Variants in DACH1 observed in about 807,000 individuals in gnomAD.
DACH1 encodes dachshund homolog 1.
Under a neutral mutation model 54.2 loss-of-function variants are expected in DACH1, and 12 were observed. That is an observed-to-expected ratio of 0.22 (90% confidence interval 0.14 to 0.36). The LOEUF is 0.36. Ranked by LOEUF, DACH1 falls within the 10% of genes least tolerant of loss-of-function variation. The probability of loss-of-function intolerance (pLI) is 1.00; values close to 1 mark genes in which losing one functional copy is unlikely to be tolerated. For synonymous variants in DACH1, 386 were observed against 366.2 expected, an observed-to-expected ratio of 1.05 and a Z score of -0.62; for missense variants, 805 against 929.8, an observed-to-expected ratio of 0.87 and a Z score of 1.75.
chr13:71,486,841 T>TGAG (rs1878568618), intron 7 of DACH1, among the ~76,000 whole-genome samples: 1 of 151,282 alleles, frequency 6.6e-6, no homozygotes, highest in African/African-American at 2.4e-5. Flanking sequence ...TCTATCTATC[T>TGAG]ATCTATCTAT....
chr13:71,473,968 A>ATTGTTGTGGT (rs1877302812), intron 10 of DACH1, among the ~76,000 whole-genome samples: 2 of 152,188 alleles, frequency 1.3e-5, no homozygotes, highest in Non-Finnish European at 2.9e-5. Flanking sequence ...TGTCATAACC[A>ATTGTTGTGGT]TATACATACA....
chr13:71,822,517 CA>C (rs754204364), intron 1 of DACH1, among the ~76,000 whole-genome samples: 1 of 152,024 alleles, frequency 6.6e-6, no homozygotes, highest in Non-Finnish European at 1.5e-5. Context: ...GCATGTTTCC[CA>C]AAAGTTGCAA....
At chr13:71,798,362 A>G (rs1462211561) in intron 1 of DACH1, among the ~76,000 whole-genome samples, 2 of 116,716 alleles carry the variant, frequency 1.7e-5, no homozygotes, top group African/African-American at 6.3e-5. Flanking sequence ...ATATATATAT[A>G]TCCATTACCT....
At chr13:71,748,812 C>T (rs1268308792) in intron 1 of DACH1, among the ~76,000 whole-genome samples, 2 of 151,984 alleles carry the variant, frequency 1.3e-5, no homozygotes, top group Non-Finnish European at 2.9e-5. Context: ...TAATTTTTCT[C>T]TATGTTACCT....
At chr13:71,845,396 T>A (rs973386818) in intron 1 of DACH1, among the ~76,000 whole-genome samples, 1 of 152,100 alleles carries the variant, frequency 6.6e-6, no homozygotes, top group Non-Finnish European at 1.5e-5. Flanking sequence ...ACTATAATAC[T>A]TTTTTGCTGT....
intron 1 of DACH1, among the ~76,000 whole-genome samples, chr13:71,793,909 G>A (rs1886933391): frequency 6.6e-6 from 1 of 152,202 alleles, no homozygotes; most frequent in Non-Finnish European, 1.5e-5. Context: ...ATGAGTAGGA[G>A]GGCGAGCTGG....
intron 6 of DACH1, among the ~76,000 whole-genome samples, chr13:71,522,504 C>T (rs757961835): frequency 5.9e-5 from 9 of 151,958 alleles, no homozygotes; most frequent in Non-Finnish European, 8.8e-5. Flanking sequence ...CCAAACCAAG[C>T]GCAGTGGTGA....
At chr13:71,653,735 G>T (rs2138629803) in intron 2 of DACH1, among the ~76,000 whole-genome samples, 1 of 152,236 alleles carries the variant, frequency 6.6e-6, no homozygotes, top group Admixed American at 6.5e-5. Flanking sequence ...TGAAAAGTAA[G>T]CATATTTCTG....
chr13:71,697,911 A>C (rs2138741547), intron 1 of DACH1, among the ~76,000 whole-genome samples: 1 of 152,342 alleles, frequency 6.6e-6, no homozygotes. Flanking sequence ...GAGATTACAG[A>C]TTACAAATGA....
At chr13:71,628,464 T>C (rs1440201465) in intron 3 of DACH1, among the ~76,000 whole-genome samples, 1 of 152,046 alleles carries the variant, frequency 6.6e-6, no homozygotes, top group East Asian at 1.9e-4. Flanking sequence ...CTGAATGCCT[T>C]AGGGACTAGC....
intron 4 of DACH1, among the ~76,000 whole-genome samples, chr13:71,571,296 G>T (rs1566349612): frequency 6.6e-6 from 1 of 152,096 alleles, no homozygotes; most frequent in Admixed American, 6.5e-5. Flanking sequence ...TGACTACAAT[G>T]ATGGGAAGAC....
At chr13:71,807,352 CCAGTT>C (rs1367529408) in intron 1 of DACH1, among the ~76,000 whole-genome samples, 1 of 148,046 alleles carries the variant, frequency 6.8e-6, no homozygotes, top group African/African-American at 2.5e-5. Context: ...CTTGTGTTTG[CCAGTT>C]CATTCGCACT....
chr13:71,775,139 T>TTTTTTTC (rs1886013179), intron 1 of DACH1, among the ~76,000 whole-genome samples: 3 of 134,134 alleles, frequency 2.2e-5, no homozygotes, highest in Non-Finnish European at 3.2e-5. Context: ...TTTTTTTTTT[T>TTTTTTTC]TTTTTTTTTT....
chr13:71,682,688 A>T (rs1880974307), intron 1 of DACH1, among the ~76,000 whole-genome samples: 1 of 152,186 alleles, frequency 6.6e-6, no homozygotes, highest in Non-Finnish European at 1.5e-5. Flanking sequence ...ATCATTAAGG[A>T]ACTGCCAGTG....
chr13:71,673,055 T>C (rs1880298335), intron 2 of DACH1, among the ~76,000 whole-genome samples: 1 of 152,140 alleles, frequency 6.6e-6, no homozygotes, highest in Admixed American at 6.5e-5. Flanking sequence ...TATAAGCAGA[T>C]TGTAATTCTT....
intron 2 of DACH1, among the ~76,000 whole-genome samples, chr13:71,673,958 T>A (rs1041115333): frequency 6.6e-6 from 1 of 152,194 alleles, no homozygotes; most frequent in African/African-American, 2.4e-5. Flanking sequence ...GCATCTTTAA[T>A]CTGGAGCCTA....
In DACH1 at chr13:71,829,476, A is replaced by G. The variant is rs1325353; in HGVS notation, c.848+36446T>C. On this transcript the variant is annotated intron_variant, in intron 1 of 10. Transcript: ENST00000613252. ...AGTACGTACTGGGAATAAAAATTCA[A>G]CTGTATAAATTTATACAAAATTAAA... Among the ~76,000 whole-genome samples the G allele has an allele frequency of 1.5e-3, 225 of 152,122 alleles. 1 individual carries two copies. The highest frequency in any genetic ancestry group is 4.9e-3 in the African/African-American group (204 of 41,544).
intron 1 of DACH1, among the ~76,000 whole-genome samples, chr13:71,766,133 G>A (rs1487879498): frequency 3.9e-5 from 6 of 152,002 alleles, no homozygotes; most frequent in Non-Finnish European, 5.9e-5. Flanking sequence ...TGATCCGTCC[G>A]CCTCGGCCTC....
chr13:71,665,895 T>C (rs535876730), intron 2 of DACH1, among the ~76,000 whole-genome samples: 3 of 152,242 alleles, frequency 2.0e-5, no homozygotes, highest in African/African-American at 7.2e-5. Flanking sequence ...ATTTAAATTT[T>C]GTGTACCTTA....
Sources: gnomAD v4.1 joint callset for allele counts (sites outside exome capture counted in the v4.1 genomes callset) on GRCh38, gnomAD v4.1.1 for gene constraint, MANE v1.5 for transcripts, NCBI Gene and HGNC (gene_info 2026-07-23, HGNC 2026-07-21) for gene names.